The following KIAA1549 variants were observed in gnomAD, a reference collection of about 807,000 sequenced individuals.
The protein encoded by KIAA1549 is KIAA1549, also known as UPF0606 protein KIAA1549.
KIAA1549 carries 70 observed loss-of-function variants against 156.4 expected under a neutral mutation model. That is an observed-to-expected ratio of 0.45 (90% CI 0.37 to 0.55). The LOEUF (loss-of-function observed/expected upper bound fraction) is 0.55, where lower values mean the gene tolerates loss of function less well. Among genes scored for constraint, KIAA1549 ranks in the 20% least tolerant of loss-of-function variants. The pLI is 0.00. For missense variants in KIAA1549, 2,428 were observed against 2,540.9 expected (o/e 0.96, Z 0.96); for synonymous variants, 1,103 against 1,066.4 (o/e 1.03, Z -0.67).
Position 138,903,634 on chromosome 7 carries a change from C to T in KIAA1549, c.3623G>A (p.Arg1208Gln), listed in dbSNP as rs768254181. 1.3e-5 allele frequency: 21 copies of T among 1,613,438 alleles called. No homozygotes were observed. The East Asian group carries it at 3.1e-4, about 24-fold the overall frequency. ...QLLSEVSTRR[R>Q]MWRRATVAAG... ...AGCTACAGTGGCCCTTCTCCACATCCGCCTTCTGGTGGAAACCTCGCTGAG... is the reference window on the plus strand; with the variant it reads ...AGCTACAGTGGCCCTTCTCCACATCTGCCTTCTGGTGGAAACCTCGCTGAG... The change falls in exon 8 of 20, where the codon CGG becomes CAG. Residue 1208 changes from arginine to glutamine, a missense_variant. Transcript: ENST00000422774.
chr7:138,833,712 A>C lies in KIAA1549; in HGVS notation c.*4194T>G, dbSNP rs1159726882. 1 of 232,982 alleles carries C rather than the reference A, an allele frequency of 4.3e-6. No individual in the cohort carries two copies. The highest frequency in any genetic ancestry group is 2.2e-5 in the African/African-American group (1 of 45,328). 14.4% of individuals were successfully genotyped at this position (232,982 alleles called of 1,614,324 possible). The stretch of plus-strand genomic sequence containing the variant: ...AGATAGATAACCCACTATGCTCCAC[A>C]AAGGATATGGCGTGGCCAAACGGCT... On this transcript the variant is annotated 3_prime_UTR_variant, in exon 20 of 20. Transcript: ENST00000422774.
At chr7:138,920,805 A>C (rs1442607480) in intron 1 of KIAA1549, among the ~76,000 whole-genome samples, 2 of 152,252 alleles carry the variant, frequency 1.3e-5, no homozygotes, top group Non-Finnish European at 2.9e-5. Context: ...GAAATGGTAT[A>C]AGGACAGTCT....
At chr7:138,955,982 C>T (rs1181328112) in intron 1 of KIAA1549, among the ~76,000 whole-genome samples, 1 of 152,172 alleles carries the variant, frequency 6.6e-6, no homozygotes, top group African/African-American at 2.4e-5. Flanking sequence ...CAACCTCCAC[C>T]TCCTGAGTTG....
In KIAA1549 at chr7:138,894,342, C is replaced by T; in HGVS notation, c.4032G>A (p.Lys1344=). The T allele has an allele frequency of 6.2e-7, 1 of 1,613,942 alleles. No individual in the cohort carries two copies. Among genetic ancestry groups the T allele is most frequent in the Non-Finnish European group, 8.5e-7 (1 of 1,179,838 alleles). ...DTVANIQQRQ[K]LQIPSVKGFD... Reference sequence around the variant, plus strand: ...ACTGGGGGAAGAGGCTGCCCGTTACCTTCTGACGCTGCTGAATGTTGGCCA... The same window carrying T: ...ACTGGGGGAAGAGGCTGCCCGTTACTTTCTGACGCTGCTGAATGTTGGCCA... The change falls in exon 10 of 20, where the codon AAG becomes AAA. Residue 1344 remains lysine (K), a splice_region_variant and synonymous_variant. Transcript: ENST00000422774.
intron 1 of KIAA1549, among the ~76,000 whole-genome samples, chr7:138,956,385 G>A (rs1033315094): frequency 5.3e-5 from 8 of 152,198 alleles, no homozygotes; most frequent in Non-Finnish European, 1.2e-4. Context: ...CCACGGTACT[G>A]AATTCACCAA....
Position 138,917,736 on chromosome 7 carries a change from G to C in KIAA1549, c.1890C>G (p.Pro630=). ...LDFASSFFST[P]PLELSGSISS... ...AGATGGAGCCGCTGAGTTCCAGCGG[G>C]GGTGTTGAGAAAAAGCTGGATGCAA... Residue 630 remains proline (P), a synonymous_variant, in exon 2 of 20, where the codon CCC becomes CCG. Coordinates refer to ENST00000422774, the MANE Select transcript of KIAA1549 (RefSeq NM_001164665.2). The C allele has an allele frequency of 6.3e-7, 1 of 1,588,954 alleles. No homozygotes were observed. Among genetic ancestry groups the C allele is most frequent in the South Asian group, 1.1e-5 (1 of 87,610 alleles).
intron 12 of KIAA1549, among the ~76,000 whole-genome samples, chr7:138,877,684 C>A (rs1811126812): frequency 6.6e-6 from 1 of 152,190 alleles, no homozygotes; most frequent in Non-Finnish European, 1.5e-5. Flanking sequence ...AGAAAACTAT[C>A]TTTCTACAAC....
chr7:138,912,401 T>A lies in KIAA1549; in HGVS notation c.2938A>T (p.Ile980Phe), dbSNP rs1812195853. 2.5e-6 allele frequency: 4 copies of A among 1,613,908 alleles called. No homozygotes were observed. The highest frequency in any genetic ancestry group is 3.4e-6 in the Non-Finnish European group (4 of 1,179,828). The change falls in exon 3 of 20, where the codon ATT becomes TTT. Residue 980 changes from isoleucine to phenylalanine, a missense_variant. Ile to Phe is a conservative substitution (Grantham distance 21). Around this residue, in one of 5 missense-constraint regions of KIAA1549, gnomAD observed 762 missense variants for 901.6 expected, o/e 0.85. Coordinates refer to ENST00000422774, the MANE Select transcript of KIAA1549 (RefSeq NM_001164665.2). ...AGTTCCACTGCACGGTTGAAGTGAA[T>A]CCTCAGTACTTCTTTGATTGCTGTA... is the stretch of plus-strand genomic sequence containing the variant. ...IITAIKEVLR[I>F]HFNRAVELKV...
chr7:138,853,807 T>G (rs1306642896), intron 16 of KIAA1549, among the ~76,000 whole-genome samples: 1 of 152,116 alleles, frequency 6.6e-6, no homozygotes, highest in East Asian at 1.9e-4. Flanking sequence ...TGAGACTACA[T>G]AGAGATTATT....
intron 10 of KIAA1549, among the ~76,000 whole-genome samples, chr7:138,890,352 A>G (rs949414253): frequency 1.3e-5 from 2 of 152,242 alleles, no homozygotes; most frequent in African/African-American, 4.8e-5. Flanking sequence ...GCAAATCCCA[A>G]AAGTGTCTGA....
chr7:138,848,449 T>C (rs1292909385), intron 17 of KIAA1549, among the ~76,000 whole-genome samples: 1 of 152,256 alleles, frequency 6.6e-6, no homozygotes, highest in Non-Finnish European at 1.5e-5. Context: ...TTATTCTCCT[T>C]AAAGTGGTAA....
intron 1 of KIAA1549, among the ~76,000 whole-genome samples, chr7:138,961,948 C>T (rs974851258): frequency 6.6e-5 from 10 of 151,964 alleles, no homozygotes; most frequent in Non-Finnish European, 1.0e-4. Flanking sequence ...ATCATCCTCC[C>T]GCCCCTTTAC....
intron 1 of KIAA1549, among the ~76,000 whole-genome samples, chr7:138,928,272 T>C (rs187104577): frequency 6.6e-6 from 1 of 151,532 alleles, no homozygotes; most frequent in East Asian, 2.0e-4. Flanking sequence ...GTTGTCTGTC[T>C]TTTTCTTTCT....
chr7:138,906,840 A>G lies in KIAA1549; in HGVS notation c.3460+79T>C, dbSNP rs1402096373. The G allele has an allele frequency of 3.4e-6, 4 of 1,182,312 alleles. No individual in the cohort carries two copies. The Admixed American group carries it at 8.4e-5, about 25-fold the overall frequency. 73.2% of individuals were successfully genotyped at this position (1,182,312 alleles called of 1,614,324 possible). On this transcript the variant is annotated intron_variant, in intron 6 of 19. Transcript: ENST00000422774. ...AAAAAATCAAGTCTTTTAAAAAACT[A>G]AAAAAATTTTAAGAAGAGGTCTTCC...
At chr7:138,945,073 T>C (rs1349635569) in intron 1 of KIAA1549, among the ~76,000 whole-genome samples, 2 of 152,240 alleles carry the variant, frequency 1.3e-5, no homozygotes, top group Non-Finnish European at 2.9e-5. Context: ...TAGGTCCAGT[T>C]AAATACCCTT....
intron 13 of KIAA1549, among the ~76,000 whole-genome samples, chr7:138,870,783 T>G (rs973988095): frequency 6.6e-6 from 1 of 152,224 alleles, no homozygotes; most frequent in African/African-American, 2.4e-5. Context: ...GCACTCATTT[T>G]CAAACACAGA....
At chr7:138,843,500 T>C (rs915417778) in intron 18 of KIAA1549, among the ~76,000 whole-genome samples, 3 of 152,226 alleles carry the variant, frequency 2.0e-5, no homozygotes, top group South Asian at 4.1e-4. Flanking sequence ...TTCATAATTT[T>C]CTATAGTTAA....
At chr7:138,852,829 C>T (rs1195993560) in intron 16 of KIAA1549, among the ~76,000 whole-genome samples, 2 of 152,232 alleles carry the variant, frequency 1.3e-5, no homozygotes, top group African/African-American at 2.4e-5. Context: ...GAAGGCAGCA[C>T]GTTCTGTTTC....
At chr7:138,947,078 T>C (rs912431059) in intron 1 of KIAA1549, among the ~76,000 whole-genome samples, 1 of 152,196 alleles carries the variant, frequency 6.6e-6, no homozygotes, top group African/African-American at 2.4e-5. Context: ...GGATAATAAG[T>C]AAAATCTAGC....
Sources: gnomAD v4.1 joint callset for allele counts (sites outside exome capture counted in the v4.1 genomes callset) on GRCh38, gnomAD v4.1.1 for gene constraint, gnomAD v4.1.1 regional missense constraint, MANE v1.5 for transcripts, NCBI Gene and HGNC (gene_info 2026-07-23, HGNC 2026-07-21) for gene names.